EBLN2: variants seen among roughly 807,000 people sequenced by gnomAD.
The protein encoded by EBLN2 is endogenous Bornavirus-like nucleoprotein 2.
For synonymous variants in EBLN2, 131 were observed against 113.6 expected, an observed-to-expected ratio of 1.15 and a Z score of -0.97; for missense variants, 397 against 324.2, an observed-to-expected ratio of 1.22 and a Z score of -1.72.
rs779552460 is a variant in EBLN2, at chr3:73,062,788, C to T, written c.707C>T (p.Ala236Val). Residue 236 changes from alanine (A) to valine (V), a missense_variant, in exon 1 of 1, where the codon GCA (alanine) becomes GTA (valine). Ala to Val is a moderately conservative substitution (Grantham distance 64, BLOSUM62 0). Transcript: ENST00000533473. Reference protein sequence around the residue: ...ESADLLISCNAESAIGWISSR... With the variant: ...ESADLLISCNVESAIGWISSR... ...GCTGATCTGCTAATCAGCTGCAATG[C>T]AGAATCAGCCATAGGTTGGATCAGC... The T allele has an allele frequency of 1.8e-5, 29 of 1,613,804 alleles. No individual in the cohort carries two copies. In the South Asian group the frequency reaches 3.2e-4, roughly 18 times the overall value.
chr3:73,062,841 T>A lies in EBLN2; in HGVS notation c.760T>A (p.Phe254Ile), dbSNP rs1702897859. ...AAGACCATGGGTTGGAGAATTAATG[T>A]TCACACTTCTATTTGGAGACTTTGA... ...SSRPWVGELM[F>I]TLLFGDFESP... is the part of the protein sequence containing the mutation. Residue 254 changes from phenylalanine to isoleucine, a missense_variant, in exon 1 of 1, where the codon TTC (phenylalanine) becomes ATC (isoleucine). By Grantham distance (21) the Phe-to-Ile change is conservative. Transcript: ENST00000533473. The A allele has an allele frequency of 6.2e-7, 1 of 1,613,760 alleles. No homozygotes were observed. Among genetic ancestry groups the A allele is most frequent in the Admixed American group, 1.7e-5 (1 of 59,968 alleles).
chr3:73,062,436 T>C lies in EBLN2; in HGVS notation c.355T>C (p.Phe119Leu). ...SMLDPAHKSH[F>L]HPVTPSLVFL... The stretch of plus-strand genomic sequence containing the variant: ...GCTAGACCCAGCACATAAATCTCAT[T>C]TCCACCCTGTGACCCCAAGTTTAGT... The change falls in exon 1 of 1, where the codon TTC becomes CTC. Residue 119 changes from phenylalanine (F) to leucine (L), a missense_variant. Phe to Leu is a conservative substitution (Grantham distance 22). Transcript: ENST00000533473. The C allele has an allele frequency of 6.2e-7, 1 of 1,611,826 alleles. No homozygotes were observed. Among genetic ancestry groups the C allele is most frequent in the Non-Finnish European group, 8.5e-7 (1 of 1,179,062 alleles).
In EBLN2 at chr3:73,062,251, C is replaced by T. The variant is rs369748323; in HGVS notation, c.170C>T (p.Pro57Leu). The part of the protein sequence containing the change: ...TMSHLRKDSQ[P>L]SSPGDDAMDR... Reference sequence around the variant, plus strand: ...TCTCATCTAAGAAAGGACTCACAGCCCAGCAGCCCAGGAGATGACGCAATG... The same window carrying T: ...TCTCATCTAAGAAAGGACTCACAGCTCAGCAGCCCAGGAGATGACGCAATG... Residue 57 changes from proline to leucine, a missense_variant, in exon 1 of 1, where the codon CCC becomes CTC. Transcript: ENST00000533473. 2.5e-6 allele frequency: 4 copies of T among 1,599,338 alleles called. No homozygotes were observed. Among genetic ancestry groups the T allele is most frequent in the African/African-American group, 2.7e-5 (2 of 73,758 alleles).
rs1359671623 is a variant in EBLN2 at position 73,062,689 on chromosome 3, C to T, written c.608C>T (p.Thr203Ile). Residue 203 changes from threonine to isoleucine, a missense_variant, in exon 1 of 1, where the codon ACC (threonine) becomes ATC (isoleucine). Coordinates refer to ENST00000533473, the MANE Select transcript of EBLN2 (RefSeq NM_018029.4). ...IAAGSSDKIC[T>I]SSLQVQRRFK... Reference sequence around the variant, plus strand: ...GCTGGATCAAGTGATAAGATTTGCACCAGCAGTCTCCAAGTTCAGAGACGA... The same window carrying T: ...GCTGGATCAAGTGATAAGATTTGCATCAGCAGTCTCCAAGTTCAGAGACGA... 1.2e-6 allele frequency: 2 copies of T among 1,613,968 alleles called. No individual in the cohort carries two copies. The highest frequency in any genetic ancestry group is 1.7e-6 in the Non-Finnish European group (2 of 1,179,898).
chr3:73,062,951 A>G lies in EBLN2; in HGVS notation c.*51A>G, dbSNP rs1702901275. 1 of 1,505,218 alleles carries G rather than the reference A, an allele frequency of 6.6e-7. No homozygotes were observed. The highest frequency in any genetic ancestry group is 1.4e-5 in the African/African-American group (1 of 71,610). 93.2% of individuals were successfully genotyped at this position (1,505,218 alleles called of 1,614,324 possible). Reference sequence around the variant, plus strand: ...CTATTAATGCTGTGAGAATGTTTCTAGATCAGTGCATGGATGGCTCCATTG... The same window carrying G: ...CTATTAATGCTGTGAGAATGTTTCTGGATCAGTGCATGGATGGCTCCATTG... On this transcript the variant is annotated 3_prime_UTR_variant, in exon 1 of 1. Transcript: ENST00000533473.
Position 73,061,920 on chromosome 3 carries a change from C to CTATTTATCT in EBLN2, c.-160_-159insTTTATCTTA, listed in dbSNP as rs1167240551. 5 of 587,400 alleles carry CTATTTATCT rather than the reference C, an allele frequency of 8.5e-6. No homozygotes were observed. The highest frequency in any genetic ancestry group is 2.0e-5 in the African/African-American group (1 of 51,090). The allele number at this position is 587,400 out of a possible 1,614,324, so 36.4% of individuals were successfully genotyped here. On this transcript the variant is annotated 5_prime_UTR_variant, in exon 1 of 1. Transcript: ENST00000533473. ...TATAGTTATGTTGCTAAATAAGATACTAAAATAATCCCATACTATATTTCT... is the reference window on the plus strand; with the variant it reads ...TATAGTTATGTTGCTAAATAAGATACTATTTATCTTAAAATAATCCCATACTATATTTCT...
At chr3:73,062,155 AC>A in the EBLN2 span, 1 of 1,548,004 alleles carries the variant, frequency 6.5e-7, no homozygotes, top group Non-Finnish European at 8.7e-7. Flanking sequence ...GACAGATCTT[AC>A]AAAAGATCTT....
rs1378382570 is a variant in EBLN2, at chr3:73,061,803, T to TC, written c.-277dup. On this transcript the variant is annotated 5_prime_UTR_variant, in exon 1 of 1. Coordinates refer to ENST00000533473, the MANE Select transcript of EBLN2 (RefSeq NM_018029.4). Reference sequence around the variant, plus strand: ...TCACTGCAGCCTTAAACTCTAGTGATCCTCCCGCCTTGGCCTTCCAAAGTG... The same window carrying TC: ...TCACTGCAGCCTTAAACTCTAGTGATCCCTCCCGCCTTGGCCTTCCAAAGTG... The TC allele has an allele frequency of 8.7e-6, 3 of 345,496 alleles. No homozygotes were observed. Among genetic ancestry groups the TC allele is most frequent in the African/African-American group, 6.7e-5 (3 of 44,706 alleles). The allele number at this position is 345,496 out of a possible 1,614,324, so 21.4% of individuals were successfully genotyped here.
In EBLN2 at chr3:73,062,714, A is replaced by G. The variant is rs547711742; in HGVS notation, c.633A>G (p.Arg211=). 5 of 1,614,040 alleles carry G rather than the reference A, an allele frequency of 3.1e-6. No homozygotes were observed. The highest frequency in any genetic ancestry group is 1.1e-5 in the South Asian group (1 of 91,088). Reference sequence around the variant, plus strand: ...CCAGCAGTCTCCAAGTTCAGAGACGATTCAAGGCAATGATGGCATCTATTG... The same window carrying G: ...CCAGCAGTCTCCAAGTTCAGAGACGGTTCAAGGCAATGATGGCATCTATTG... ...ICTSSLQVQR[R]FKAMMASIGR... is the part of the protein sequence containing the mutation. Residue 211 remains arginine (R), a synonymous_variant, in exon 1 of 1, where the codon CGA becomes CGG. Transcript: ENST00000533473.
In EBLN2 at chr3:73,062,564, T is replaced by C. The variant is rs747036487; in HGVS notation, c.483T>C (p.Gly161=). 2.4e-5 allele frequency: 38 copies of C among 1,613,826 alleles called. No homozygotes were observed. Among genetic ancestry groups the C allele is most frequent in the Non-Finnish European group, 3.1e-5 (37 of 1,179,870 alleles). Reference sequence around the variant, plus strand: ...TTGGGAATGAGAACGAGGAAAGGGGTACTCCTTATGCTAGCAGATTCAAAG... The same window carrying C: ...TTGGGAATGAGAACGAGGAAAGGGGCACTCCTTATGCTAGCAGATTCAAAG... ...TVVGNENEER[G]TPYASRFKDM... The change falls in exon 1 of 1, where the codon GGT becomes GGC. Residue 161 remains glycine (G), a synonymous_variant. Coordinates refer to ENST00000533473, the MANE Select transcript of EBLN2 (RefSeq NM_018029.4).
In EBLN2 at chr3:73,061,664, G is replaced by C. The variant is rs958648646; in HGVS notation, c.-418G>C. On this transcript the variant is annotated 5_prime_UTR_variant, in exon 1 of 1. Transcript: ENST00000533473. ...CAAATGTCTCTTGGAGATGTGAAAG[G>C]CAGGGAGGGGAGGTTGTCCCCTGCT... The C allele has an allele frequency of 1.1e-5, 2 of 180,164 alleles. No individual in the cohort carries two copies. The highest frequency in any genetic ancestry group is 2.5e-4 in the South Asian group (2 of 7,896). The allele number at this position is 180,164 out of a possible 1,614,324, so 11.2% of individuals were successfully genotyped here.
At position 73,061,981 on chromosome 3, in the gene EBLN2, A is replaced by C; in HGVS notation, c.-101A>C. On this transcript the variant is annotated 5_prime_UTR_variant, in exon 1 of 1. Transcript: ENST00000533473. ...ACTATTAAAATGTATACATGATAAAAATTTCTTTTATGAAGCAAAATATGT... is the reference window on the plus strand; with the variant it reads ...ACTATTAAAATGTATACATGATAAACATTTCTTTTATGAAGCAAAATATGT... The C allele has an allele frequency of 1.3e-6, 1 of 788,146 alleles. No homozygotes were observed. Among genetic ancestry groups the C allele is most frequent in the Non-Finnish European group, 2.0e-6 (1 of 502,536 alleles). 48.8% of individuals were successfully genotyped at this position (788,146 alleles called of 1,614,324 possible). A position where few individuals can be genotyped will look rare whatever the true frequency, so the allele number is the denominator to read the frequency against.
At position 73,063,189 on chromosome 3, in the gene EBLN2, T is replaced by G. The variant is rs984837935; in HGVS notation, c.*289T>G. The G allele has an allele frequency of 9.6e-6, 4 of 418,040 alleles. No homozygotes were observed. The highest frequency in any genetic ancestry group is 8.5e-5 in the African/African-American group (4 of 47,328). 25.9% of individuals were successfully genotyped at this position (418,040 alleles called of 1,614,324 possible). ...CATTTTTGGGATTTAAAGCTCCTGATGTTATACCAGGATCAACCATCACAC... is the reference window on the plus strand; with the variant it reads ...CATTTTTGGGATTTAAAGCTCCTGAGGTTATACCAGGATCAACCATCACAC... On this transcript the variant is annotated 3_prime_UTR_variant, in exon 1 of 1. Coordinates refer to ENST00000533473, the MANE Select transcript of EBLN2 (RefSeq NM_018029.4).
rs1702871468 is a variant in EBLN2 at position 73,062,072 on chromosome 3, G to C, written c.-10G>C. 4.6e-6 allele frequency: 7 copies of C among 1,521,280 alleles called. No individual in the cohort carries two copies. Among genetic ancestry groups the C allele is most frequent in the Non-Finnish European group, 5.3e-6 (6 of 1,133,566 alleles). 94.2% of individuals were successfully genotyped at this position (1,521,280 alleles called of 1,614,324 possible). On this transcript the variant is annotated 5_prime_UTR_variant, in exon 1 of 1. An upstream open reading frame in the 5' UTR loses its in-frame stop. Coordinates refer to ENST00000533473, the MANE Select transcript of EBLN2 (RefSeq NM_018029.4). ...TAAAGAAGTGCAGAGTCAAGTCATA[G>C]CGACTAATAATGGGTTATTTTCTTA...
chr3:73,062,059 G>A lies in EBLN2; in HGVS notation c.-23G>A. 6.7e-7 allele frequency: 1 copy of A among 1,483,646 alleles called. No homozygotes were observed. The highest frequency in any genetic ancestry group is 2.5e-5 in the Admixed American group (1 of 39,924). 91.9% of individuals were successfully genotyped at this position (1,483,646 alleles called of 1,614,324 possible). On this transcript the variant is annotated 5_prime_UTR_variant, in exon 1 of 1. Coordinates refer to ENST00000533473, the MANE Select transcript of EBLN2 (RefSeq NM_018029.4). ...TTTGGAAAAATGGTAAAGAAGTGCA[G>A]AGTCAAGTCATAGCGACTAATAATG... is the stretch of plus-strand genomic sequence containing the variant.
chr3:73,062,702 A>G lies in EBLN2; in HGVS notation c.621A>G (p.Gln207=), dbSNP rs756915609. 3 of 1,614,020 alleles carry G rather than the reference A, an allele frequency of 1.9e-6. No homozygotes were observed. In the South Asian group the frequency reaches 3.3e-5, roughly 18 times the overall value. The change falls in exon 1 of 1, where the codon CAA becomes CAG. Residue 207 remains glutamine, a synonymous_variant. Transcript: ENST00000533473. ...SSDKICTSSL[Q]VQRRFKAMMA... ...ATAAGATTTGCACCAGCAGTCTCCAAGTTCAGAGACGATTCAAGGCAATGA... is the reference window on the plus strand; with the variant it reads ...ATAAGATTTGCACCAGCAGTCTCCAGGTTCAGAGACGATTCAAGGCAATGA...
At chr3:73,062,825 G>A in the EBLN2 span, 1 of 1,613,740 alleles carries the variant, frequency 6.2e-7, no homozygotes, top group East Asian at 2.2e-5. Context: ...CAAGACCATG[G>A]GTTGGAGAAT....
At position 73,062,239 on chromosome 3, in the gene EBLN2, A is replaced by G. The variant is rs1702876775; in HGVS notation, c.158A>G (p.Lys53Arg). The G allele has an allele frequency of 1.3e-6, 2 of 1,598,246 alleles. No individual in the cohort carries two copies. Among genetic ancestry groups the G allele is most frequent in the East Asian group, 2.2e-5 (1 of 44,764 alleles). The change falls in exon 1 of 1, where the codon AAG (lysine) becomes AGG (arginine). Residue 53 changes from lysine (K) to arginine (R), a missense_variant. Physicochemically the swap from Lys to Arg is conservative, Grantham distance 26. Transcript: ENST00000533473. The part of the protein sequence containing the change: ...NQFSTMSHLR[K>R]DSQPSSPGDD... Reference sequence around the variant, plus strand: ...TTTTCCACAATGTCTCATCTAAGAAAGGACTCACAGCCCAGCAGCCCAGGA... The same window carrying G: ...TTTTCCACAATGTCTCATCTAAGAAGGGACTCACAGCCCAGCAGCCCAGGA...
At position 73,063,040 on chromosome 3, in the gene EBLN2, G is replaced by C; in HGVS notation, c.*140G>C. ...GAGAAAAAAAACAATGGTTAAAAAG[G>C]CATTGGGGAAATATTTTGAGTTTGG... On this transcript the variant is annotated 3_prime_UTR_variant, in exon 1 of 1. Coordinates refer to ENST00000533473, the MANE Select transcript of EBLN2 (RefSeq NM_018029.4). 1.2e-6 allele frequency: 1 copy of C among 820,502 alleles called. No homozygotes were observed. Among genetic ancestry groups the C allele is most frequent in the Non-Finnish European group, 2.0e-6 (1 of 512,472 alleles). The allele number at this position is 820,502 out of a possible 1,614,324, so 50.8% of individuals were successfully genotyped here. A position where few individuals can be genotyped will look rare whatever the true frequency, so the allele number is the denominator to read the frequency against.
Sources: gnomAD v4.1 joint callset for allele counts on GRCh38, gnomAD v4.1.1 for gene constraint, MANE v1.5 for transcripts, NCBI Gene and HGNC (gene_info 2026-07-23, HGNC 2026-07-21) for gene names.